SVIL: variants seen among roughly 807,000 people sequenced by gnomAD.
The protein encoded by SVIL is archvillin.
In SVIL, 101 loss-of-function variants were observed where a neutral mutation model predicts 240.4. That is an observed-to-expected ratio of 0.42 (90% CI 0.36 to 0.50). The LOEUF is 0.50. Among genes scored for constraint, SVIL ranks in the 20% least tolerant of loss-of-function variants. The probability of loss-of-function intolerance (pLI) is 0.01; values close to 1 mark genes in which losing one functional copy is unlikely to be tolerated. For missense variants in SVIL, 2,512 were observed against 2,818.7 expected (o/e 0.89, Z 2.46); for synonymous variants, 999 against 1,100.0 (o/e 0.91, Z 1.82).
At chr10:29,459,273 C>T (rs920605837) in intron 36 of SVIL, among the ~76,000 whole-genome samples, 1 of 152,092 alleles carries the variant, frequency 6.6e-6, no homozygotes, top group Admixed American at 6.6e-5. Flanking sequence ...ACCACGCGCA[C>T]CTAATAATTT....
intron 12 of SVIL, 40 bp from the exon 13 acceptor site, chr10:29,527,096 G>T: frequency 6.4e-7 from 1 of 1,560,806 alleles, no homozygotes. Flanking sequence ...TTCATAAGGA[G>T]AGAGAAGAAA....
At position 29,470,475 on chromosome 10, in the gene SVIL, G is replaced by T; in HGVS notation, c.5644C>A (p.Arg1882=). ...EEEENVQSEW[R]LYCVRGEVPV... Reference sequence around the variant, plus strand: ...ACCTCTCCACGCACGCAGTACAGCCGCCACTCACCTGCAGGGGGCACCGGC... The same window carrying T: ...ACCTCTCCACGCACGCAGTACAGCCTCCACTCACCTGCAGGGGGCACCGGC... The change falls in exon 32 of 38, where the codon CGG becomes AGG. Residue 1882 remains arginine (R), a synonymous_variant. Transcript: ENST00000355867. 3.7e-6 allele frequency: 6 copies of T among 1,614,060 alleles called. No homozygotes were observed. Among genetic ancestry groups the T allele is most frequent in the Non-Finnish European group, 3.4e-6 (4 of 1,180,026 alleles).
intron 28 of SVIL, among the ~76,000 whole-genome samples, chr10:29,481,133 G>GAT (rs1554815336): frequency 1.4e-5 from 2 of 141,324 alleles, no homozygotes; most frequent in African/African-American, 5.3e-5. Context: ...TAGCTTTAAG[G>GAT]GTGTGTGTGT....
At chr10:29,523,330 A>T in intron 15 of SVIL, 121 bp downstream of exon 15, 3 of 892,754 alleles carry the variant, frequency 3.4e-6, no homozygotes, top group East Asian at 2.6e-5. Flanking sequence ...TGAACTTTTA[A>T]CCAATACTAG....
At chr10:29,574,721 C>T (rs571507489) in intron 1 of SVIL, among the ~76,000 whole-genome samples, 302 of 151,984 alleles carry the variant, frequency 2.0e-3, no homozygotes, top group African/African-American at 6.7e-3. Flanking sequence ...ACCGGGGCCA[C>T]TGTTGTAAAC....
At chr10:29,583,446 C>T (rs1191482919) in intron 1 of SVIL, among the ~76,000 whole-genome samples, 1 of 152,006 alleles carries the variant, frequency 6.6e-6, no homozygotes, top group African/African-American at 2.4e-5. Context: ...ACTACAGGGG[C>T]CCACCACCAC....
At chr10:29,464,569 C>T (rs1294580772) in intron 34 of SVIL, among the ~76,000 whole-genome samples, 2 of 152,188 alleles carry the variant, frequency 1.3e-5, no homozygotes, top group African/African-American at 2.4e-5. Flanking sequence ...TCTTGCTAGT[C>T]GGCTCACTGT....
chr10:29,693,278 T>A (rs531767666), intron 1 of SVIL, among the ~76,000 whole-genome samples: 1 of 146,010 alleles, frequency 6.8e-6, no homozygotes, highest in Admixed American at 7.0e-5. Context: ...AGCATGACAC[T>A]ATAGGACCTC....
At chr10:29,606,720 C>G (rs1355498720) in intron 1 of SVIL, among the ~76,000 whole-genome samples, 1 of 152,068 alleles carries the variant, frequency 6.6e-6, no homozygotes, top group Admixed American at 6.6e-5. Context: ...AATAATAATG[C>G]ATTTGTGGTT....
intron 2 of SVIL, among the ~76,000 whole-genome samples, chr10:29,682,444 A>T (rs1336252926): frequency 6.6e-6 from 1 of 152,238 alleles, no homozygotes; most frequent in African/African-American, 2.4e-5. Context: ...ACACTGCTCT[A>T]GGTTCCTGGC....
chr10:29,689,328 A>G (rs916743691), intron 1 of SVIL, among the ~76,000 whole-genome samples: 48 of 151,862 alleles, frequency 3.2e-4, no homozygotes. Context: ...ACTATCACCC[A>G]GGCTGGAGTG....
intron 1 of SVIL, among the ~76,000 whole-genome samples, chr10:29,689,127 A>G (rs1289274731): frequency 6.6e-6 from 1 of 152,226 alleles, no homozygotes; most frequent in Admixed American, 6.5e-5. Flanking sequence ...CCAATTTAGA[A>G]TCACAGAATG....
At chr10:29,535,497 T>C (rs1422818575) in intron 7 of SVIL, among the ~76,000 whole-genome samples, 1 of 151,970 alleles carries the variant, frequency 6.6e-6, no homozygotes, top group Non-Finnish European at 1.5e-5. Flanking sequence ...TGATAGGGGG[T>C]TTTGTTTGCT....
rs574826448 is a variant in SVIL, at chr10:29,473,703, C to G, written c.5529+135G>C. Reference sequence around the variant, plus strand: ...AGCCTGAGACCTGCAGAAGCCAGACCAGGACTGAAGTGCTTTGGGTGACGT... The same window carrying G: ...AGCCTGAGACCTGCAGAAGCCAGACGAGGACTGAAGTGCTTTGGGTGACGT... On this transcript the variant is annotated intron_variant, in intron 30 of 37. Coordinates refer to ENST00000355867, the MANE Select transcript of SVIL (RefSeq NM_021738.3). 7 of 1,177,998 alleles carry G rather than the reference C, an allele frequency of 5.9e-6. No individual in the cohort carries two copies. In the African/African-American group the frequency reaches 9.3e-5, roughly 16 times the overall value. The allele number at this position is 1,177,998 out of a possible 1,614,324, so 73.0% of individuals were successfully genotyped here.
chr10:29,720,078 T>C (rs1377569646), intron 1 of SVIL, among the ~76,000 whole-genome samples: 1 of 152,172 alleles, frequency 6.6e-6, no homozygotes, highest in Admixed American at 6.5e-5. Context: ...CGTGGTGGCA[T>C]GTGCCTGTAG....
At chr10:29,562,769 G>GAAAAAAAAAAAAAAAAA (rs34507610) in intron 3 of SVIL, among the ~76,000 whole-genome samples, 2 of 115,718 alleles carry the variant, frequency 1.7e-5, no homozygotes, top group Non-Finnish European at 3.5e-5. Context: ...TCAAAAAAAA[G>GAAAAAAAAAAAAAAAAA]AAAAAAAAAA....
intron 27 of SVIL, among the ~76,000 whole-genome samples, chr10:29,482,336 C>G (rs1280399050): frequency 6.6e-6 from 1 of 152,060 alleles, no homozygotes; most frequent in Non-Finnish European, 1.5e-5. Context: ...CTAGCAAATT[C>G]TTGTCTTTGG....
intron 2 of SVIL, among the ~76,000 whole-genome samples, chr10:29,685,835 T>C (rs1015983251): frequency 3.3e-5 from 5 of 152,188 alleles, no homozygotes; most frequent in Non-Finnish European, 5.9e-5. Flanking sequence ...TCAGGTTTTG[T>C]TGGGTCCCTT....
intron 1 of SVIL, among the ~76,000 whole-genome samples, chr10:29,584,663 A>T (rs756349493): frequency 1.3e-5 from 2 of 152,092 alleles, no homozygotes; most frequent in Non-Finnish European, 2.9e-5. Flanking sequence ...CGGCCTCTTT[A>T]ACCTGCGGCC....
Sources: gnomAD v4.1 joint callset for allele counts (sites outside exome capture counted in the v4.1 genomes callset) on GRCh38, gnomAD v4.1.1 for gene constraint, MANE v1.5 for transcripts, NCBI Gene and HGNC (gene_info 2026-07-23, HGNC 2026-07-21) for gene names.